The following ZNF595 variants were observed in gnomAD, a reference collection of about 807,000 sequenced individuals.
The protein encoded by ZNF595 is zinc finger protein 595.
A neutral mutation model predicts 19.4 loss-of-function variants in ZNF595; 9 were observed. The observed-to-expected ratio is 0.46, with a 90% CI of 0.28 to 0.81. The LOEUF (loss-of-function observed/expected upper bound fraction) is 0.81, where lower values mean the gene tolerates loss of function less well. ZNF595 is among the 30% of genes least tolerant of loss of function. The probability of loss-of-function intolerance (pLI) is 0.11; values close to 1 mark genes in which losing one functional copy is unlikely to be tolerated. For missense variants in ZNF595, 729 were observed against 736.0 expected, an observed-to-expected ratio of 0.99 and a Z score of 0.11; for synonymous variants, 255 against 255.9, an observed-to-expected ratio of 1.00 and a Z score of 0.03.
intron 3 of ZNF595, among the ~76,000 whole-genome samples, chr4:82,302 A>G (rs1553800084): frequency 6.6e-6 from 1 of 151,970 alleles, no homozygotes; most frequent in Non-Finnish European, 1.5e-5. Context: ...TCATATTTGA[A>G]ACTTTGAACA....
chr4:70,433 G>A (rs1167920791), intron 3 of ZNF595, among the ~76,000 whole-genome samples: 1 of 151,800 alleles, frequency 6.6e-6, no homozygotes, highest in South Asian at 2.1e-4. Context: ...TGCCTCCCAG[G>A]TTCAAGCAAT....
Position 87,628 on chromosome 4 carries a change from G to A in ZNF595, c.*177G>A, listed in dbSNP as rs998727017. 24 of 481,956 alleles carry A rather than the reference G, an allele frequency of 5.0e-5. No individual in the cohort carries two copies. Among genetic ancestry groups the A allele is most frequent in the Non-Finnish European group, 8.0e-5 (23 of 286,650 alleles). 29.9% of individuals were successfully genotyped at this position (481,956 alleles called of 1,614,324 possible). A position where few individuals can be genotyped will look rare whatever the true frequency, so the allele number is the denominator to read the frequency against. On this transcript the variant is annotated 3_prime_UTR_variant, in exon 4 of 4. Coordinates refer to ENST00000610261, the MANE Select transcript of ZNF595 (RefSeq NM_182524.4). ...TTGGATTATTTTGATACAGGCATAT[G>A]ACATGTAATTATCACATCAGAGTAA... is the stretch of plus-strand genomic sequence containing the variant.
intron 3 of ZNF595, among the ~76,000 whole-genome samples, chr4:71,941 G>A (rs782696251): frequency 1.5e-4 from 23 of 152,078 alleles, no homozygotes; most frequent in Non-Finnish European, 2.9e-4. Flanking sequence ...GGCACACAGA[G>A]GCACACAGTG....
rs1714199259 is a variant in ZNF595, at chr4:86,669, A to G, written c.1165A>G (p.Ile389Val). ...CTCATCCCTTAATAAACATAAGAGAATTCATACTGGAGAGAAACCCTACAC... is the reference window on the plus strand; with the variant it reads ...CTCATCCCTTAATAAACATAAGAGAGTTCATACTGGAGAGAAACCCTACAC... ...WSSSLNKHKR[I>V]HTGEKPYTCE... Residue 389 changes from isoleucine (I) to valine (V), a missense_variant, in exon 4 of 4, where the codon ATT (isoleucine) becomes GTT (valine). This residue lies in a region of ZNF595 where 729 missense variants were observed against 675.3 expected (regional missense o/e 1.08). Coordinates refer to ENST00000610261, the MANE Select transcript of ZNF595 (RefSeq NM_182524.4). The G allele has an allele frequency of 6.2e-7, 1 of 1,613,622 alleles. No individual in the cohort carries two copies. The highest frequency in any genetic ancestry group is 8.5e-7 in the Non-Finnish European group (1 of 1,179,896).
chr4:64,475 C>A lies in ZNF595; in HGVS notation c.226+4322C>A, dbSNP rs1428896020. 1.4e-4 allele frequency among the ~76,000 whole-genome samples: 22 copies of A among 152,362 alleles called. No homozygotes were observed. In the East Asian group the frequency reaches 4.1e-3, roughly 28 times the overall value. ...TTAATCAAAATAAATGTAAAGTGAC[C>A]GAGCATAGTGACTCACACCTGTAAT... On this transcript the variant is annotated intron_variant, in intron 3 of 3. Coordinates refer to ENST00000610261, the MANE Select transcript of ZNF595 (RefSeq NM_182524.4).
At chr4:61,394 C>T (rs1581323408) in intron 3 of ZNF595, among the ~76,000 whole-genome samples, 1 of 152,304 alleles carries the variant, frequency 6.6e-6, no homozygotes, top group African/African-American at 2.4e-5. Context: ...CCTCTGCCTT[C>T]CAAAGTGCTA....
At position 86,573 on chromosome 4, in the gene ZNF595, A is replaced by T; in HGVS notation, c.1069A>T (p.Ile357Leu). Reference sequence around the variant, plus strand: ...TTTTAACCAATCCTCAAGTCTTATTATACACAGGAGCATTCATTCTGAACA... The same window carrying T: ...TTTTAACCAATCCTCAAGTCTTATTTTACACAGGAGCATTCATTCTGAACA... The part of the protein sequence containing the change: ...KAFNQSSSLI[I>L]HRSIHSEQKL... Residue 357 changes from isoleucine to leucine, a missense_variant, in exon 4 of 4, where the codon ATA becomes TTA. By Grantham distance (5) the Ile-to-Leu change is conservative (BLOSUM62 2). This residue lies in a region of ZNF595 where 729 missense variants were observed against 675.3 expected (regional missense o/e 1.08). Transcript: ENST00000610261. 6.2e-7 allele frequency: 1 copy of T among 1,613,398 alleles called. No individual in the cohort carries two copies. Among genetic ancestry groups the T allele is most frequent in the South Asian group, 1.1e-5 (1 of 91,032 alleles).
At chr4:61,084 G>A (rs1581322777) in intron 3 of ZNF595, among the ~76,000 whole-genome samples, 2 of 152,074 alleles carry the variant, frequency 1.3e-5, no homozygotes, top group Non-Finnish European at 1.5e-5. Context: ...AAGCAAAAAC[G>A]TCCTCACACT....
In ZNF595 at chr4:86,395, A is replaced by T; in HGVS notation, c.891A>T (p.Thr297=). The T allele has an allele frequency of 1.9e-6, 3 of 1,613,554 alleles. No individual in the cohort carries two copies. Among genetic ancestry groups the T allele is most frequent in the Non-Finnish European group, 2.5e-6 (3 of 1,179,650 alleles). The change falls in exon 4 of 4, where the codon ACA becomes ACT. Residue 297 remains threonine (T), a synonymous_variant. Transcript: ENST00000610261. ...KECGKAFRWS[T]SLNEHKNIHT... The stretch of plus-strand genomic sequence containing the variant: ...GTGGCAAAGCCTTTAGATGGTCCAC[A>T]AGCCTGAATGAACATAAGAATATTC...
In ZNF595 at chr4:86,604, T is replaced by G; in HGVS notation, c.1100T>G (p.Leu367Arg). 1 of 1,602,722 alleles carries G rather than the reference T, an allele frequency of 6.2e-7. No individual in the cohort carries two copies. Among genetic ancestry groups the G allele is most frequent in the Non-Finnish European group, 8.5e-7 (1 of 1,176,246 alleles). The change falls in exon 4 of 4, where the codon CTT (leucine) becomes CGT (arginine). Residue 367 changes from leucine to arginine, a missense_variant. Around this residue, in one of 2 missense-constraint regions of ZNF595, gnomAD observed 729 missense variants for 675.3 expected, o/e 1.08. Coordinates refer to ENST00000610261, the MANE Select transcript of ZNF595 (RefSeq NM_182524.4). ...IHRSIHSEQKLYKCEECGKAF... is the reference protein window; with the variant it reads ...IHRSIHSEQKRYKCEECGKAF... ...AGGAGCATTCATTCTGAACAAAAAC[T>G]TTACAAATGTGAAGAATGTGGCAAA...
chr4:78,109 C>CG (rs1333862256), intron 3 of ZNF595, among the ~76,000 whole-genome samples: 1 of 152,132 alleles, frequency 6.6e-6, no homozygotes, highest in African/African-American at 2.4e-5. Flanking sequence ...TCCTGGTTCA[C>CG]GCCATTCTCC....
At position 86,089 on chromosome 4, in the gene ZNF595, T is replaced by C; in HGVS notation, c.585T>C (p.Ala195=). The part of the protein sequence containing the change: ...SHLTQHTGIH[A]GEKPYKCEKC... The stretch of plus-strand genomic sequence containing the variant: ...TAACTCAACATACAGGAATTCATGC[T>C]GGAGAGAAACCCTACAAATGTGAAA... The change falls in exon 4 of 4, where the codon GCT becomes GCC. Residue 195 remains alanine (A), a synonymous_variant. Coordinates refer to ENST00000610261, the MANE Select transcript of ZNF595 (RefSeq NM_182524.4). 1 of 1,613,632 alleles carries C rather than the reference T, an allele frequency of 6.2e-7. No homozygotes were observed. The highest frequency in any genetic ancestry group is 8.5e-7 in the Non-Finnish European group (1 of 1,179,750).
Position 87,623 on chromosome 4 carries a change from C to T in ZNF595, c.*172C>T. 1 of 501,792 alleles carries T rather than the reference C, an allele frequency of 2.0e-6. No individual in the cohort carries two copies. Among genetic ancestry groups the T allele is most frequent in the East Asian group, 3.3e-5 (1 of 30,274 alleles). The allele number at this position is 501,792 out of a possible 1,614,324, so 31.1% of individuals were successfully genotyped here. On this transcript the variant is annotated 3_prime_UTR_variant, in exon 4 of 4. Transcript: ENST00000610261. ...CTTATTTGGATTATTTTGATACAGG[C>T]ATATGACATGTAATTATCACATCAG...
rs374526814 is a variant in ZNF595, at chr4:87,450, G to A, written c.1946G>A (p.Ter649=). 6.4e-7 allele frequency: 1 copy of A among 1,562,542 alleles called. No individual in the cohort carries two copies. Among genetic ancestry groups the A allele is most frequent in the Non-Finnish European group, 8.7e-7 (1 of 1,154,230 alleles). ...ATTCATACTGGCAAGGAACATAGTT[G>A]AATGACATTTCTAGTAATCTCTAAT... ...KRIHTGKEHS[*] Residue 649 remains the stop codon, a stop_retained_variant, in exon 4 of 4, where the codon TGA becomes TAA. Coordinates refer to ENST00000610261, the MANE Select transcript of ZNF595 (RefSeq NM_182524.4).
At chr4:82,177 C>T (rs148488277) in intron 3 of ZNF595, among the ~76,000 whole-genome samples, 33 of 151,940 alleles carry the variant, frequency 2.2e-4, no homozygotes, top group African/African-American at 7.5e-4. Flanking sequence ...CTTCATTGTC[C>T]CTTGAAATTC....
chr4:87,546 T>C lies in ZNF595; in HGVS notation c.*95T>C. ...TATAAACTTGTATTATTTTTCTTAT[T>C]TTAAATTTTTTAAAATTTCTGTAGG... On this transcript the variant is annotated 3_prime_UTR_variant, in exon 4 of 4. Transcript: ENST00000610261. 1 of 1,210,268 alleles carries C rather than the reference T, an allele frequency of 8.3e-7. No individual in the cohort carries two copies. Among genetic ancestry groups the C allele is most frequent in the Non-Finnish European group, 1.1e-6 (1 of 910,570 alleles). The allele number at this position is 1,210,268 out of a possible 1,614,324, so 75.0% of individuals were successfully genotyped here.
Position 86,589 on chromosome 4 carries a change from A to G in ZNF595, c.1085A>G (p.His362Arg). The change falls in exon 4 of 4, where the codon CAT becomes CGT. Residue 362 changes from histidine to arginine, a missense_variant. This residue lies in a region of ZNF595 where 729 missense variants were observed against 675.3 expected (regional missense o/e 1.08). Coordinates refer to ENST00000610261, the MANE Select transcript of ZNF595 (RefSeq NM_182524.4). ...AGTCTTATTATACACAGGAGCATTC[A>G]TTCTGAACAAAAACTTTACAAATGT... ...SSSLIIHRSI[H>R]SEQKLYKCEE... 1 of 1,613,568 alleles carries G rather than the reference A, an allele frequency of 6.2e-7. No individual in the cohort carries two copies. Among genetic ancestry groups the G allele is most frequent in the Non-Finnish European group, 8.5e-7 (1 of 1,179,754 alleles).
chr4:83,619 C>CAAAAAAAAAAAAA (rs71164492), intron 3 of ZNF595, among the ~76,000 whole-genome samples: 10 of 38,582 alleles, frequency 2.6e-4, no homozygotes, highest in African/African-American at 5.1e-4. Context: ...GACTCCGTCT[C>CAAAAAAAAAAAAA]AAAAAAAAAA....
chr4:83,790 A>G (rs1260370707), intron 3 of ZNF595, among the ~76,000 whole-genome samples: 2 of 151,758 alleles, frequency 1.3e-5, no homozygotes, highest in Non-Finnish European at 2.9e-5. Flanking sequence ...TATTTTATTA[A>G]TTGTTTTACT....
Sources: gnomAD v4.1 joint callset for allele counts (sites outside exome capture counted in the v4.1 genomes callset) on GRCh38, gnomAD v4.1.1 for gene constraint, gnomAD v4.1.1 regional missense constraint, MANE v1.5 for transcripts, NCBI Gene and HGNC (gene_info 2026-07-23, HGNC 2026-07-21) for gene names.